Variants in ERG observed in about 807,000 individuals in gnomAD.
ERG encodes transcriptional regulator ERG.
A neutral mutation model predicts 55.3 loss-of-function variants in ERG; 9 were observed. The ratio of observed to expected loss-of-function variants is 0.16; its 90% CI spans 0.10 to 0.28. The LOEUF is 0.28. Ranked by LOEUF, ERG falls within the 10% of genes least tolerant of loss-of-function variation. ERG has a pLI of 1.00. For missense variants in ERG, 434 were observed against 631.6 expected, an observed-to-expected ratio of 0.69 and a Z score of 3.35; for synonymous variants, 223 against 237.3, an observed-to-expected ratio of 0.94 and a Z score of 0.55.
chr21:38,508,573 ACT>A (rs1468156054), intron 2 of ERG, among the ~76,000 whole-genome samples: 3 of 152,274 alleles, frequency 2.0e-5, no homozygotes, highest in African/African-American at 7.2e-5. Context: ...TTCCAAAGTA[ACT>A]CTGATTAAAA....
At chr21:38,498,753 T>C (rs759309760), upstream of ERG, among the ~76,000 whole-genome samples, 7 of 152,024 alleles carry the variant, frequency 4.6e-5, no homozygotes, top group African/African-American at 7.2e-5. This position sits in a 1 kb window ranked among gnomAD's most constrained non-coding sequence, Gnocchi z 4.6. Flanking sequence ...AGGATGCAGA[T>C]GTGATGGGAC....
At chr21:38,613,286 A>T (rs1268250765) in intron 1 of ERG, among the ~76,000 whole-genome samples, 1 of 152,258 alleles carries the variant, frequency 6.6e-6, no homozygotes, top group Non-Finnish European at 1.5e-5. Flanking sequence ...TTTCTGAACG[A>T]AAGTTAGCAC....
chr21:38,532,576 G>A (rs2059680594), intron 2 of ERG, among the ~76,000 whole-genome samples: 1 of 152,182 alleles, frequency 6.6e-6, no homozygotes, highest in Non-Finnish European at 1.5e-5. Flanking sequence ...GGAGCTTTAA[G>A]GAACTGGAAT....
In ERG at chr21:38,425,511, T is replaced by C. The variant is rs150824312; in HGVS notation, c.237-1950A>G. 3.5e-3 allele frequency among the ~76,000 whole-genome samples: 534 copies of C among 152,304 alleles called. 4 individuals carry two copies. The highest frequency in any genetic ancestry group is 0.012 in the African/African-American group (517 of 41,562). On this transcript the variant is annotated intron_variant, in intron 2 of 9. Transcript: ENST00000288319. ...AGTGCCTTCTTAGATGGTTAACACG[T>C]AGATGGTAAACCCAGGGTCACTGTA...
At chr21:38,387,720 C>G (rs1987766931) in intron 9 of ERG, among the ~76,000 whole-genome samples, 2 of 152,186 alleles carry the variant, frequency 1.3e-5, no homozygotes, top group East Asian at 3.8e-4. Flanking sequence ...GCCTATTGAA[C>G]CATGAAGAAG....
At chr21:38,603,293 T>C (rs2060175708) in intron 1 of ERG, among the ~76,000 whole-genome samples, 1 of 152,052 alleles carries the variant, frequency 6.6e-6, no homozygotes, top group Admixed American at 6.5e-5. Flanking sequence ...TATTTGAACA[T>C]GTTTTAGGAC....
intron 1 of ERG, among the ~76,000 whole-genome samples, chr21:38,483,114 C>G (rs1181190046): frequency 6.6e-6 from 1 of 152,110 alleles, no homozygotes; most frequent in Admixed American, 6.5e-5. Flanking sequence ...CTATAACAAA[C>G]AAACAAACAA....
intron 1 of ERG, among the ~76,000 whole-genome samples, chr21:38,657,860 G>T (rs936092336): frequency 6.6e-6 from 1 of 152,146 alleles, no homozygotes; most frequent in African/African-American, 2.4e-5. Context: ...GGGGTGGCTG[G>T]TCACTGCCAA....
intron 6 of ERG, among the ~76,000 whole-genome samples, chr21:38,395,917 C>T (rs1474072690): frequency 6.6e-6 from 1 of 152,164 alleles, no homozygotes; most frequent in African/African-American, 2.4e-5. Context: ...GCTCTTGCCC[C>T]ACACACCCCA....
At chr21:38,396,108 G>A (rs1988199418) in intron 6 of ERG, among the ~76,000 whole-genome samples, 1 of 152,226 alleles carries the variant, frequency 6.6e-6, no homozygotes, top group Non-Finnish European at 1.5e-5. Flanking sequence ...ATGCTAATGG[G>A]GAACACAAAT....
At chr21:38,638,617 G>C (rs1410770234) in intron 1 of ERG, among the ~76,000 whole-genome samples, 1 of 152,226 alleles carries the variant, frequency 6.6e-6, no homozygotes, top group Non-Finnish European at 1.5e-5. Flanking sequence ...GAGAATGGCA[G>C]TTGATGAGTG....
chr21:38,621,650 CA>C (rs1490976116), intron 1 of ERG, among the ~76,000 whole-genome samples: 1 of 152,170 alleles, frequency 6.6e-6, no homozygotes, highest in Non-Finnish European at 1.5e-5. Context: ...GCTACTGCAG[CA>C]AAAGCTGACT....
chr21:38,598,281 C>T (rs576890687), intron 1 of ERG, among the ~76,000 whole-genome samples: 2 of 152,334 alleles, frequency 1.3e-5, no homozygotes, highest in African/African-American at 2.4e-5. Context: ...GGGCCCCATG[C>T]CCCATTCCTG....
At chr21:38,607,405 G>A (rs1177769734) in intron 1 of ERG, among the ~76,000 whole-genome samples, 1 of 152,220 alleles carries the variant, frequency 6.6e-6, no homozygotes, top group Non-Finnish European at 1.5e-5. Flanking sequence ...TCCTGAGGCA[G>A]TCGGATCATG....
intron 1 of ERG, among the ~76,000 whole-genome samples, chr21:38,496,362 A>G (rs2059379541): frequency 6.6e-6 from 1 of 152,226 alleles, no homozygotes; most frequent in Non-Finnish European, 1.5e-5. Context: ...TCCAGTGGAC[A>G]GCCATCATTT....
intron 2 of ERG, among the ~76,000 whole-genome samples, chr21:38,572,929 T>G (rs1568922766): frequency 6.6e-6 from 1 of 152,206 alleles, no homozygotes; most frequent in African/African-American, 2.4e-5. Flanking sequence ...AGACTCCATT[T>G]TGAAAAAGAC....
intron 2 of ERG, among the ~76,000 whole-genome samples, chr21:38,505,429 A>C (rs1193620827): frequency 1.3e-5 from 2 of 152,190 alleles, no homozygotes; most frequent in Non-Finnish European, 2.9e-5. Context: ...AGCTGAAGTG[A>C]AGGCAGGCCA....
At chr21:38,420,301 TGC>T (rs1491398321) in intron 3 of ERG, among the ~76,000 whole-genome samples, 3 of 112,358 alleles carry the variant, frequency 2.7e-5, no homozygotes, top group East Asian at 4.6e-4. Context: ...TGTGTGTGTG[TGC>T]GTGTGTGTGT....
intron 1 of ERG, among the ~76,000 whole-genome samples, chr21:38,624,289 G>A (rs1213270218): frequency 2.0e-5 from 3 of 152,004 alleles, no homozygotes; most frequent in East Asian, 3.9e-4. Flanking sequence ...GGGGCCTGTC[G>A]GGGGTGGGTG....
Sources: gnomAD v4.1 joint callset for allele counts (sites outside exome capture counted in the v4.1 genomes callset) on GRCh38, gnomAD v4.1.1 for gene constraint, Gnocchi (gnomAD v3.1) non-coding constraint, MANE v1.5 for transcripts, NCBI Gene and HGNC (gene_info 2026-07-23, HGNC 2026-07-21) for gene names.